LEPR: variants seen among roughly 807,000 people sequenced by gnomAD.
LEPR encodes leptin receptor.
A neutral mutation model predicts 114.7 loss-of-function variants in LEPR; 56 were observed. The observed-to-expected ratio is 0.49, with a 90% confidence interval of 0.39 to 0.61. The LOEUF is 0.61. LEPR is among the 20% of genes least tolerant of loss of function. LEPR has a pLI of 0.00. For synonymous variants in LEPR, 443 were observed against 461.4 expected (o/e 0.96, Z 0.51); for missense variants, 1,202 against 1,352.9 (o/e 0.89, Z 1.75).
intron 2 of LEPR, chr1:65,434,338 A>G (rs1646528899): frequency 9.1e-6 from 9 of 985,014 alleles, no homozygotes; most frequent in Non-Finnish European, 9.6e-6. Flanking sequence ...TATATATTGT[A>G]CAATATATTT....
chr1:65,637,296 T>C lies in LEPR; in HGVS notation c.*281T>C, dbSNP rs1373672144. On this transcript the variant is annotated 3_prime_UTR_variant, in exon 20 of 20. Coordinates refer to ENST00000349533, the MANE Select transcript of LEPR (RefSeq NM_002303.6). ...AAATAAGCCCAACAGACACCATCTT[T>C]TGTGAGATGTAATTGTTTTTTCAGA... 12 of 314,362 alleles carry C rather than the reference T, an allele frequency of 3.8e-5. No homozygotes were observed. Among genetic ancestry groups the C allele is most frequent in the Non-Finnish European group, 5.9e-6 (1 of 168,542 alleles). The allele number at this position is 314,362 out of a possible 1,614,324, so 19.5% of individuals were successfully genotyped here. A position where few individuals can be genotyped will look rare whatever the true frequency, so the allele number is the denominator to read the frequency against.
In LEPR at chr1:65,609,949, G is replaced by A. The variant is rs1657062364; in HGVS notation, c.1755G>A (p.Met585Ile). The change falls in exon 13 of 20, where the codon ATG (methionine) becomes ATA (isoleucine). Residue 585 changes from methionine to isoleucine, a missense_variant and splice_region_variant. Physicochemically the swap from Met to Ile is conservative, Grantham distance 10. Transcript: ENST00000349533. ...GLSGKEVQWK[M>I]YEVYDAKSKS... ...TAATGCTTTGACTTATTTTACAGAT[G>A]TATGAGGTTTATGATGCAAAATCAA... The A allele has an allele frequency of 1.2e-6, 2 of 1,614,148 alleles. No homozygotes were observed. The highest frequency in any genetic ancestry group is 1.3e-5 in the African/African-American group (1 of 75,062).
intron 16 of LEPR, among the ~76,000 whole-genome samples, chr1:65,619,146 T>C (rs1657718817): frequency 6.6e-6 from 1 of 152,224 alleles, no homozygotes; most frequent in Admixed American, 6.5e-5. Flanking sequence ...CTCATACCAT[T>C]ATTTTATTCC....
At chr1:65,512,916 T>C (rs1275332153) in intron 2 of LEPR, among the ~76,000 whole-genome samples, 3 of 152,206 alleles carry the variant, frequency 2.0e-5, no homozygotes, top group Admixed American at 2.0e-4. Flanking sequence ...AAATTTTGTC[T>C]TCTACTTCAG....
chr1:65,624,571 A>G (rs1359534264), intron 19 of LEPR, among the ~76,000 whole-genome samples: 2 of 152,222 alleles, frequency 1.3e-5, no homozygotes, highest in Non-Finnish European at 2.9e-5. Context: ...TAATGTATAA[A>G]TACGTTTTAC....
intron 2 of LEPR, among the ~76,000 whole-genome samples, chr1:65,472,916 T>C (rs185896491): frequency 6.6e-6 from 1 of 152,296 alleles, no homozygotes; most frequent in East Asian, 1.9e-4. Context: ...TCAGATAGCA[T>C]CTAATTCAAA....
chr1:65,498,214 G>A (rs563175693), intron 2 of LEPR, among the ~76,000 whole-genome samples: 2 of 152,192 alleles, frequency 1.3e-5, no homozygotes, highest in East Asian at 1.9e-4. Context: ...CCCCTACAAC[G>A]TTGACTTAGC....
chr1:65,636,398 AGT>A lies in LEPR; in HGVS notation c.2884_2885del (p.Val962Ter), dbSNP rs766322089. 3 of 1,614,024 alleles carry A rather than the reference AGT, an allele frequency of 1.9e-6. No individual in the cohort carries two copies. The African/African-American group carries it at 4.0e-5, about 22-fold the overall frequency. On this transcript the variant is annotated frameshift_variant, in exon 20 of 20. Coordinates refer to ENST00000349533, the MANE Select transcript of LEPR (RefSeq NM_002303.6). LOFTEE classifies it low-confidence loss of function (END_TRUNC). ...TGTTTGTATTAGTGACCAGTTCAAC[AGT>A]GTTAACTTCTCTGAGGCTGAGGGTA... ...GSVCISDQFN[S>X]VNFSEAEGTE...
At chr1:65,451,622 G>A (rs1464990671) in intron 2 of LEPR, among the ~76,000 whole-genome samples, 1 of 152,144 alleles carries the variant, frequency 6.6e-6, no homozygotes, top group Non-Finnish European at 1.5e-5. Flanking sequence ...GCTCTGTTCT[G>A]TTCCACTGAT....
chr1:65,518,974 C>T (rs1430530199), intron 2 of LEPR, among the ~76,000 whole-genome samples: 6 of 99,054 alleles, frequency 6.1e-5, no homozygotes, highest in South Asian at 3.5e-4. Flanking sequence ...TTTTCTTTTT[C>T]TCTCTCTCTT....
chr1:65,618,448 C>G (rs1657670152), intron 16 of LEPR, among the ~76,000 whole-genome samples: 1 of 152,018 alleles, frequency 6.6e-6, no homozygotes, highest in Admixed American at 6.6e-5. Flanking sequence ...ACCTCAGCTT[C>G]CTGAGTAGCT....
At chr1:65,530,684 A>G (rs1220174176) in intron 2 of LEPR, among the ~76,000 whole-genome samples, 16 of 152,132 alleles carry the variant, frequency 1.1e-4, no homozygotes, top group Admixed American at 1.0e-3. Flanking sequence ...GGTTTTGGCC[A>G]TCTTTTTTAC....
At chr1:65,448,321 C>T (rs1207233973) in intron 2 of LEPR, among the ~76,000 whole-genome samples, 2 of 152,154 alleles carry the variant, frequency 1.3e-5, no homozygotes, top group African/African-American at 4.8e-5. Flanking sequence ...GTGAATTTTA[C>T]ATTAATTGAT....
intron 19 of LEPR, among the ~76,000 whole-genome samples, chr1:65,624,326 C>G (rs924848257): frequency 1.3e-5 from 2 of 151,938 alleles, no homozygotes; most frequent in African/African-American, 4.8e-5. Context: ...TTCAGTTACC[C>G]TATGGGACAA....
At chr1:65,471,684 G>T (rs146061901) in intron 2 of LEPR, among the ~76,000 whole-genome samples, 1 of 152,164 alleles carries the variant, frequency 6.6e-6, no homozygotes, top group Non-Finnish European at 1.5e-5. Context: ...AAGTTCTATA[G>T]TGTAGTCAGG....
chr1:65,609,042 ATCTAAG>A (rs1340449392), intron 12 of LEPR, 141 bp downstream of exon 12: 8 of 1,152,922 alleles, frequency 6.9e-6, no homozygotes, highest in Non-Finnish European at 8.5e-6. Flanking sequence ...AAATAGATTT[ATCTAAG>A]TCTAACTTTT....
chr1:65,570,620 A>G lies in LEPR; in HGVS notation c.188A>G (p.His63Arg), dbSNP rs781329053. The G allele has an allele frequency of 3.5e-5, 56 of 1,613,870 alleles. 1 individual carries two copies. The highest frequency in any genetic ancestry group is 8.5e-7 in the Non-Finnish European group (1 of 1,179,934). ...LSKNTSNSNG[H>R]YETAVEPKFN... ...AAGAATACTTCAAATTCGAATGGAC[A>G]TTATGAGACAGCTGTTGAACCTAAG... is the stretch of plus-strand genomic sequence containing the variant. Residue 63 changes from histidine to arginine, a missense_variant, in exon 4 of 20, where the codon CAT becomes CGT. Coordinates refer to ENST00000349533, the MANE Select transcript of LEPR (RefSeq NM_002303.6).
Position 65,620,033 on chromosome 1 carries a change from A to G in LEPR, c.2491+10A>G, listed in dbSNP as rs371639704. On this transcript the variant is annotated intron_variant, in intron 17 of 19. Coordinates refer to ENST00000349533, the MANE Select transcript of LEPR (RefSeq NM_002303.6). Reference sequence around the variant, plus strand: ...AATAGTTTCACTCAAGGTAAAAATTATAATTTTAGTTTCCTTTTACACCAA... The same window carrying G: ...AATAGTTTCACTCAAGGTAAAAATTGTAATTTTAGTTTCCTTTTACACCAA... 2 of 1,595,756 alleles carry G rather than the reference A, an allele frequency of 1.3e-6. No individual in the cohort carries two copies. Among genetic ancestry groups the G allele is most frequent in the African/African-American group, 2.7e-5 (2 of 74,690 alleles).
At chr1:65,628,702 G>A (rs1373478981) in intron 19 of LEPR, among the ~76,000 whole-genome samples, 1 of 152,096 alleles carries the variant, frequency 6.6e-6, no homozygotes, top group Non-Finnish European at 1.5e-5. Flanking sequence ...ACTGGTGGAT[G>A]TTTAAGGTGT....
Sources: allele counts gnomAD v4.1 joint callset (sites outside exome capture counted in the v4.1 genomes callset), GRCh38; gene constraint gnomAD v4.1.1; transcripts MANE v1.5; gene names NCBI Gene and HGNC (gene_info 2026-07-23, HGNC 2026-07-21).